FKBP2: variants seen among roughly 807,000 people sequenced by gnomAD.
FKBP2 encodes the protein FKBP prolyl isomerase 2, also known as peptidyl-prolyl cis-trans isomerase FKBP2.
Under a neutral mutation model 19.4 loss-of-function variants are expected in FKBP2, and 15 were observed. The ratio of observed to expected loss-of-function variants is 0.77; its 90% CI spans 0.52 to 1.19. FKBP2 has a LOEUF of 1.19. Ranked by LOEUF, FKBP2 falls within the 50% of genes most tolerant of loss-of-function variation. The pLI is 0.00. For missense variants in FKBP2, 170 were observed against 179.0 expected (o/e 0.95, Z 0.29); for synonymous variants, 76 against 74.8 (o/e 1.02, Z -0.08).
rs755478218 is a variant in FKBP2, at chr11:64,243,988, G to C, written c.388G>C (p.Glu130Gln). The C allele has an allele frequency of 6.2e-7, 1 of 1,614,064 alleles. No individual in the cohort carries two copies. The highest frequency in any genetic ancestry group is 8.5e-7 in the Non-Finnish European group (1 of 1,180,000). ...TACAGGTGGTGCAACCCTGGTGTTC[G>C]AGGTGGAGCTGCTCAAAATAGAGCG... Reference protein sequence around the residue: ...KIPGGATLVFEVELLKIERRT... With the variant: ...KIPGGATLVFQVELLKIERRT... Residue 130 changes from glutamate (E) to glutamine (Q), a missense_variant, in exon 6 of 6, where the codon GAG (glutamate) becomes CAG (glutamine). By Grantham distance (29) the Glu-to-Gln change is conservative. Coordinates refer to ENST00000309366, the MANE Select transcript of FKBP2 (RefSeq NM_004470.4).
At chr11:64,243,073 A>C (rs924828479) in intron 2 of FKBP2, 126 bp from the exon 3 acceptor site, 2 of 801,508 alleles carry the variant, frequency 2.5e-6, no homozygotes, top group African/African-American at 1.7e-5. Flanking sequence ...ATCTCAAAAA[A>C]CAAAAAGGAC....
Position 64,243,951 on chromosome 11 carries a change from C to T in FKBP2, c.368-17C>T. The T allele has an allele frequency of 6.2e-7, 1 of 1,614,114 alleles. No homozygotes were observed. Among genetic ancestry groups the T allele is most frequent in the Non-Finnish European group, 8.5e-7 (1 of 1,179,994 alleles). ...TGTGGCCCTGGTTGGCATTTTGACT[C>T]CCCTTCTCCCCTACAGGTGGTGCAA... On this transcript the variant is annotated splice_polypyrimidine_tract_variant and intron_variant, in intron 5 of 5. Transcript: ENST00000309366.
intron 1 of FKBP2, 107 bp from the exon 2 acceptor site, chr11:64,242,277 G>A (rs963339426): frequency 6.6e-5 from 76 of 1,145,316 alleles, no homozygotes; most frequent in Admixed American, 1.7e-4. Flanking sequence ...ATCCCCCGGG[G>A]CAAGGAAGAT....
rs774280499 is a variant in FKBP2 at position 64,244,046 on chromosome 11, CA to C, written c.*18del. The C allele has an allele frequency of 1.9e-6, 3 of 1,612,382 alleles. No individual in the cohort carries two copies. The highest frequency in any genetic ancestry group is 2.5e-6 in the Non-Finnish European group (3 of 1,178,932). On this transcript the variant is annotated 3_prime_UTR_variant, in exon 6 of 6. Coordinates refer to ENST00000309366, the MANE Select transcript of FKBP2 (RefSeq NM_004470.4). ...GAGCTGTAACCAGACTGGGGAGGGG[CA>C]GGGGGAGAGGCCCCCATCAGGGACC...
Position 64,243,996 on chromosome 11 carries a change from G to A in FKBP2, c.396G>A (p.Glu132=). The A allele has an allele frequency of 1.2e-6, 2 of 1,614,098 alleles. No homozygotes were observed. The highest frequency in any genetic ancestry group is 1.7e-6 in the Non-Finnish European group (2 of 1,180,006). ...GTGCAACCCTGGTGTTCGAGGTGGA[G>A]CTGCTCAAAATAGAGCGACGAACTG... ...PGGATLVFEV[E]LLKIERRTEL Residue 132 remains glutamate (E), a synonymous_variant, in exon 6 of 6, where the codon GAG becomes GAA. Coordinates refer to ENST00000309366, the MANE Select transcript of FKBP2 (RefSeq NM_004470.4).
At chr11:64,242,677 C>G (rs1033837059) in intron 2 of FKBP2, 119 bp downstream of exon 2, 1 of 1,109,960 alleles carries the variant, frequency 9.0e-7, no homozygotes, top group African/African-American at 1.6e-5. Context: ...CCTCTCGCCT[C>G]TAAGCCAGTT....
chr11:64,242,772 G>C (rs2030613305), intron 2 of FKBP2, among the ~76,000 whole-genome samples: 1 of 152,170 alleles, frequency 6.6e-6, no homozygotes, highest in African/African-American at 2.4e-5. Context: ...CCAAGGCTCT[G>C]TCCTCTTAAA....
At chr11:64,241,324 G>A (rs2030468785) in intron 1 of FKBP2, 192 bp downstream of exon 1, 1 of 152,424 alleles carries the variant, frequency 6.6e-6, no homozygotes, top group Non-Finnish European at 1.5e-5. Context: ...GCGGAGTCCT[G>A]GGACTCGGGG....
chr11:64,241,429 C>T (rs1367445866), intron 1 of FKBP2, among the ~76,000 whole-genome samples: 10 of 144,926 alleles, frequency 6.9e-5, no homozygotes, highest in Non-Finnish European at 1.0e-4. Context: ...GGTCGGGGGA[C>T]GGAGCCTGGC....
rs775818882 is a variant in FKBP2 at position 64,242,438 on chromosome 11, C to A, written c.51C>A (p.Ser17Arg). ...RVLTVLSICL[S>R]AVATATGAEG... ...TGACAGTACTGTCCATCTGCCTGAGCGCCGTGGCCACGGCCACGGGGGCCG... is the reference window on the plus strand; with the variant it reads ...TGACAGTACTGTCCATCTGCCTGAGAGCCGTGGCCACGGCCACGGGGGCCG... The change falls in exon 2 of 6, where the codon AGC becomes AGA. Residue 17 changes from serine (S) to arginine (R), a missense_variant. Ser to Arg is a moderately radical substitution (Grantham distance 110). Coordinates refer to ENST00000309366, the MANE Select transcript of FKBP2 (RefSeq NM_004470.4). 6.4e-7 allele frequency: 1 copy of A among 1,550,544 alleles called. No individual in the cohort carries two copies. The highest frequency in any genetic ancestry group is 8.7e-7 in the Non-Finnish European group (1 of 1,153,404).
Position 64,244,052 on chromosome 11 carries a change from G to GA in FKBP2, c.*24dup, listed in dbSNP as rs1565322469. ...TAACCAGACTGGGGAGGGGCAGGGG[G>GA]AGAGGCCCCCATCAGGGACCAGACT... On this transcript the variant is annotated 3_prime_UTR_variant, in exon 6 of 6. Coordinates refer to ENST00000309366, the MANE Select transcript of FKBP2 (RefSeq NM_004470.4). 1.9e-6 allele frequency: 3 copies of GA among 1,611,028 alleles called. No homozygotes were observed. Among genetic ancestry groups the GA allele is most frequent in the Admixed American group, 1.7e-5 (1 of 59,976 alleles).
At position 64,243,881 on chromosome 11, in the gene FKBP2, T is replaced by A; in HGVS notation, c.367+5T>A. Reference sequence around the variant, plus strand: ...GAGCTCCCCCAAAGATTCCAGGTAGTAAACCTTTTGATACCTCCCATCACC... The same window carrying A: ...GAGCTCCCCCAAAGATTCCAGGTAGAAAACCTTTTGATACCTCCCATCACC... On this transcript the variant is annotated splice_donor_5th_base_variant and intron_variant, in intron 5 of 5. Transcript: ENST00000309366. 6.2e-7 allele frequency: 1 copy of A among 1,613,972 alleles called. No individual in the cohort carries two copies. Among genetic ancestry groups the A allele is most frequent in the Non-Finnish European group, 8.5e-7 (1 of 1,179,930 alleles).
chr11:64,242,546 C>T lies in FKBP2; in HGVS notation c.159C>T (p.His53=). 1 of 1,547,738 alleles carries T rather than the reference C, an allele frequency of 6.5e-7. No individual in the cohort carries two copies. The highest frequency in any genetic ancestry group is 8.7e-7 in the Non-Finnish European group (1 of 1,153,912). Residue 53 remains histidine (H), a synonymous_variant, in exon 2 of 6, where the codon CAC becomes CAT. Coordinates refer to ENST00000309366, the MANE Select transcript of FKBP2 (RefSeq NM_004470.4). The part of the protein sequence containing the change: ...PIKSRKGDVL[H]MHYTGKLEDG... ...AATCGCGCAAAGGGGATGTCCTGCA[C>T]ATGCACTACACGGTGAGTGGGTTGG...
chr11:64,242,336 C>A (rs1337826426), intron 1 of FKBP2, 48 bp from the exon 2 acceptor site: 3 of 1,463,128 alleles, frequency 2.1e-6, no homozygotes, highest in Non-Finnish European at 2.7e-6. Flanking sequence ...CCATACTCTC[C>A]CTGCCCTCCC....
Position 64,244,030 on chromosome 11 carries a change from C to G in FKBP2, c.*1C>G. On this transcript the variant is annotated 3_prime_UTR_variant, in exon 6 of 6. Transcript: ENST00000309366. ...AATAGAGCGACGAACTGAGCTGTAA[C>G]CAGACTGGGGAGGGGCAGGGGGAGA... 1.9e-6 allele frequency: 3 copies of G among 1,613,916 alleles called. No individual in the cohort carries two copies. The South Asian group carries it at 3.3e-5, about 18-fold the overall frequency.
rs201615451 is a variant in FKBP2 at position 64,244,049 on chromosome 11, G to C, written c.*20G>C. On this transcript the variant is annotated 3_prime_UTR_variant, in exon 6 of 6. Transcript: ENST00000309366. ...CTGTAACCAGACTGGGGAGGGGCAG[G>C]GGGAGAGGCCCCCATCAGGGACCAG... 5 of 1,613,160 alleles carry C rather than the reference G, an allele frequency of 3.1e-6. No homozygotes were observed. The highest frequency in any genetic ancestry group is 1.7e-5 in the Admixed American group (1 of 59,988).
At chr11:64,243,569 C>T in intron 4 of FKBP2, 72 bp downstream of exon 4, 13 of 1,567,012 alleles carry the variant, frequency 8.3e-6, no homozygotes, top group Non-Finnish European at 1.1e-5. Context: ...GCTGCTTCAG[C>T]TTTTCATTGG....
chr11:64,242,027 G>A (rs891327503), intron 1 of FKBP2: 3 of 183,922 alleles, frequency 1.6e-5, no homozygotes, highest in South Asian at 1.3e-4. Flanking sequence ...GGCAACTGCA[G>A]TGCAGCCAGA....
chr11:64,243,023 G>C (rs2030635433), intron 2 of FKBP2, among the ~76,000 whole-genome samples, 176 bp from the exon 3 acceptor site: 1 of 152,090 alleles, frequency 6.6e-6, no homozygotes, highest in South Asian at 2.1e-4. Flanking sequence ...AGGGAGGCGA[G>C]ATCACGCCGC....
Sources: allele counts gnomAD v4.1 joint callset (sites outside exome capture counted in the v4.1 genomes callset), GRCh38; gene constraint gnomAD v4.1.1; transcripts MANE v1.5; gene names NCBI Gene and HGNC (gene_info 2026-07-23, HGNC 2026-07-21).